PCDH9: variants seen among roughly 807,000 people sequenced by gnomAD.
PCDH9 encodes protocadherin 9.
Under a neutral mutation model 70.6 loss-of-function variants are expected in PCDH9, and 24 were observed. The observed-to-expected ratio is 0.34, with a 90% CI of 0.25 to 0.48. PCDH9 has a LOEUF of 0.48. PCDH9 is among the 20% of genes least tolerant of loss of function. The probability of loss-of-function intolerance (pLI) is 0.99; values close to 1 mark genes in which losing one functional copy is unlikely to be tolerated. For missense variants in PCDH9, 1,281 were observed against 1,503.6 expected (o/e 0.85, Z 2.45); for synonymous variants, 562 against 558.5 (o/e 1.01, Z -0.09).
chr13:66,679,950 A>G lies in PCDH9; in HGVS notation c.3139-48539T>C, dbSNP rs184084569. Among the ~76,000 whole-genome samples, 336 of 152,106 alleles carry G rather than the reference A, an allele frequency of 2.2e-3. 2 individuals carry two copies. The highest frequency in any genetic ancestry group is 7.7e-3 in the African/African-American group (321 of 41,568). On this transcript the variant is annotated intron_variant, in intron 3 of 4. Transcript: ENST00000377865. ...ATCAAATTAAATTACTTTTTTAAAC[A>G]TCTTTTTTAATACTACTAAAAAATT...
intron 3 of PCDH9, among the ~76,000 whole-genome samples, chr13:66,742,046 G>T (rs1242779918): frequency 1.0e-5 from 1 of 97,688 alleles, no homozygotes; most frequent in Non-Finnish European, 2.0e-5. Context: ...TCAATCCTAA[G>T]CCAAAAGAAC....
intron 4 of PCDH9, among the ~76,000 whole-genome samples, chr13:66,462,389 C>T (rs1263580415): frequency 1.3e-5 from 2 of 151,728 alleles, no homozygotes; most frequent in Admixed American, 1.3e-4. Context: ...CAGGAAGAGA[C>T]ATCTATTGGG....
intron 3 of PCDH9, among the ~76,000 whole-genome samples, chr13:66,743,324 T>C (rs1160131760): frequency 8.7e-6 from 1 of 114,790 alleles, no homozygotes; most frequent in Middle Eastern, 4.4e-3. Flanking sequence ...AAGGGGAATA[T>C]CACACTCTGG....
chr13:66,738,067 C>A (rs2079185601), intron 3 of PCDH9, among the ~76,000 whole-genome samples: 1 of 152,224 alleles, frequency 6.6e-6, no homozygotes, highest in Admixed American at 6.5e-5. Flanking sequence ...AAAAAGACAG[C>A]AGTAACCTCT....
chr13:66,428,058 AC>A (rs1393273640), intron 4 of PCDH9, among the ~76,000 whole-genome samples: 1 of 151,734 alleles, frequency 6.6e-6, no homozygotes, highest in Non-Finnish European at 1.5e-5. Flanking sequence ...ATTGAAAGAA[AC>A]CATATGTGGC....
At chr13:66,816,685 G>A (rs2080610621) in intron 3 of PCDH9, among the ~76,000 whole-genome samples, 1 of 152,072 alleles carries the variant, frequency 6.6e-6, no homozygotes, top group Admixed American at 6.6e-5. Flanking sequence ...CACTTTGGGA[G>A]GCCAAGGCAG....
At chr13:66,340,719 TTCTC>T (rs1429900452) in intron 4 of PCDH9, among the ~76,000 whole-genome samples, 1 of 152,232 alleles carries the variant, frequency 6.6e-6, no homozygotes, top group Non-Finnish European at 1.5e-5. Flanking sequence ...CACTATCTGA[TTCTC>T]CATTATACAA....
At chr13:67,103,744 A>C (rs996101936) in intron 2 of PCDH9, among the ~76,000 whole-genome samples, 6 of 152,196 alleles carry the variant, frequency 3.9e-5, no homozygotes, top group Non-Finnish European at 7.3e-5. Flanking sequence ...CAGAATACAC[A>C]GTAGAGTGGT....
chr13:66,902,747 C>T (rs1004135508), intron 3 of PCDH9, among the ~76,000 whole-genome samples: 10 of 151,534 alleles, frequency 6.6e-5, no homozygotes, highest in Middle Eastern at 3.4e-3. Context: ...ATAGTTAACA[C>T]GACTGAACTC....
At chr13:66,528,900 TA>T (rs1430002321) in intron 4 of PCDH9, among the ~76,000 whole-genome samples, 1 of 152,046 alleles carries the variant, frequency 6.6e-6, no homozygotes, top group East Asian at 1.9e-4. Flanking sequence ...TTTAAAAAAA[TA>T]ACCTCTCATT....
At chr13:66,583,269 T>C (rs1025117407) in intron 4 of PCDH9, among the ~76,000 whole-genome samples, 27 of 152,150 alleles carry the variant, frequency 1.8e-4, no homozygotes, top group African/African-American at 6.0e-4. Flanking sequence ...TCATTTTAAC[T>C]TACTCGATTA....
At chr13:66,366,185 T>G (rs1956551073) in intron 4 of PCDH9, among the ~76,000 whole-genome samples, 1 of 152,078 alleles carries the variant, frequency 6.6e-6, no homozygotes, top group Non-Finnish European at 1.5e-5. Context: ...TTTATTGGCT[T>G]CTTTTAATCC....
intron 2 of PCDH9, among the ~76,000 whole-genome samples, chr13:67,079,618 C>T (rs1315837340): frequency 2.0e-5 from 3 of 152,270 alleles, no homozygotes; most frequent in East Asian, 1.9e-4. Context: ...ATGGGATCAT[C>T]GGACTAAAAT....
At chr13:67,081,554 G>A (rs914523662) in intron 2 of PCDH9, among the ~76,000 whole-genome samples, 5 of 152,190 alleles carry the variant, frequency 3.3e-5, no homozygotes, top group Non-Finnish European at 7.4e-5. Context: ...GGCAACTAGA[G>A]AAAAACTCCA....
intron 3 of PCDH9, among the ~76,000 whole-genome samples, chr13:66,790,318 C>T (rs2080144415): frequency 1.3e-5 from 2 of 152,016 alleles, no homozygotes; most frequent in African/African-American, 2.4e-5. Flanking sequence ...CCTAGCAGTT[C>T]ATAATATGCT....
chr13:66,633,504 A>G (rs1418195594), intron 3 of PCDH9, among the ~76,000 whole-genome samples: 1 of 152,152 alleles, frequency 6.6e-6, no homozygotes, highest in Non-Finnish European at 1.5e-5. Flanking sequence ...TCAATCTATC[A>G]ATATCCTTTT....
intron 2 of PCDH9, among the ~76,000 whole-genome samples, chr13:66,960,518 TTAA>T (rs1312968681): frequency 6.6e-6 from 1 of 152,166 alleles, no homozygotes; most frequent in Non-Finnish European, 1.5e-5. Context: ...TGTTCTTCTG[TTAA>T]TTAAATTCTG....
At chr13:67,171,467 T>C (rs1029260828) in intron 2 of PCDH9, among the ~76,000 whole-genome samples, 21 of 152,190 alleles carry the variant, frequency 1.4e-4, no homozygotes, top group African/African-American at 4.6e-4. Flanking sequence ...GGTATACTTC[T>C]TCCATATGTG....
At chr13:66,730,897 T>TTTTTTTTTTTTTTG (rs1555262885) in intron 3 of PCDH9, among the ~76,000 whole-genome samples, 60 of 129,094 alleles carry the variant, frequency 4.6e-4, no homozygotes, top group Non-Finnish European at 7.0e-4. Flanking sequence ...GTTTGTTTCT[T>TTTTTTTTTTTTTTG]TTTTTTTGTG....
Sources: gnomAD v4.1 joint callset for allele counts (sites outside exome capture counted in the v4.1 genomes callset) on GRCh38, gnomAD v4.1.1 for gene constraint, MANE v1.5 for transcripts, NCBI Gene and HGNC (gene_info 2026-07-23, HGNC 2026-07-21) for gene names.